The following SVIL variants were observed in gnomAD, a reference collection of about 807,000 sequenced individuals.
SVIL encodes supervillin, also known as archvillin.
SVIL carries 101 observed loss-of-function variants against 240.4 expected under a neutral mutation model. The ratio of observed to expected loss-of-function variants is 0.42; its 90% CI spans 0.36 to 0.50. SVIL has a LOEUF of 0.50. SVIL is among the 20% of genes least tolerant of loss of function. The pLI, the probability that SVIL is intolerant of heterozygous loss-of-function variation, is 0.01. For missense variants in SVIL, 2,512 were observed against 2,818.7 expected (o/e 0.89, Z 2.46); for synonymous variants, 999 against 1,100.0 (o/e 0.91, Z 1.82).
intron 1 of SVIL, among the ~76,000 whole-genome samples, chr10:29,727,954 A>C (rs1487829584): frequency 1.3e-5 from 2 of 152,074 alleles, no homozygotes; most frequent in Admixed American, 6.5e-5. Flanking sequence ...GTAAACCTTT[A>C]TGTTCACAGC....
chr10:29,470,990 A>T (rs1305542405), intron 31 of SVIL, 148 bp downstream of exon 31: 1 of 736,380 alleles, frequency 1.4e-6, no homozygotes, highest in Admixed American at 2.1e-5. Context: ...GCACCCATAG[A>T]GCTGAGTTAT....
intron 1 of SVIL, among the ~76,000 whole-genome samples, chr10:29,612,345 C>T (rs557901010): frequency 6.6e-6 from 1 of 152,300 alleles, no homozygotes; most frequent in African/African-American, 2.4e-5. Flanking sequence ...TCCTTTCTAG[C>T]TTCTTGTGTA....
chr10:29,690,080 G>C lies in SVIL; in HGVS notation c.-399-3429C>G, dbSNP rs569961195. Among the ~76,000 whole-genome samples the C allele has an allele frequency of 1.1e-4, 16 of 152,258 alleles. No homozygotes were observed. The East Asian group carries it at 3.1e-3, about 29-fold the overall frequency. ...TCCAGAGGAAAATGACCAAGACCTT[G>C]AATATCTTTGTAACACTGGTCATCT... On this transcript the variant is annotated intron_variant, in intron 1 of 35. Transcript: ENST00000375400.
intron 1 of SVIL, among the ~76,000 whole-genome samples, chr10:29,692,701 C>T (rs1418953897): frequency 6.6e-6 from 1 of 151,488 alleles, no homozygotes; most frequent in Non-Finnish European, 1.5e-5. Flanking sequence ...CTATGTTGCC[C>T]AGATTGGTTT....
At chr10:29,626,410 T>C (rs148030075) in intron 1 of SVIL, among the ~76,000 whole-genome samples, 149 of 152,282 alleles carry the variant, frequency 9.8e-4, no homozygotes, top group African/African-American at 3.4e-3. Flanking sequence ...CCCCAACACC[T>C]ATACCAGTCC....
intron 16 of SVIL, 67 bp downstream of exon 16, chr10:29,522,340 ATTG>A: frequency 6.9e-7 from 1 of 1,453,476 alleles, no homozygotes. Context: ...CATCACCGAG[ATTG>A]TTTTCTAAAA....
At position 29,533,215 on chromosome 10, in the gene SVIL, G is replaced by A; in HGVS notation, c.1152C>T (p.Thr384=). 1.9e-6 allele frequency: 3 copies of A among 1,614,128 alleles called. No individual in the cohort carries two copies. Among genetic ancestry groups the A allele is most frequent in the Non-Finnish European group, 2.5e-6 (3 of 1,180,020 alleles). Residue 384 remains threonine, a synonymous_variant, in exon 8 of 38, where the codon ACC becomes ACT. Transcript: ENST00000355867. The part of the protein sequence containing the change: ...GHTAKLVTPE[T]PENASECSWV... ...AGCTACACTCAGATGCATTTTCTGG[G>A]GTTTCTGGCGTCACTAGCTTGGCGG...
At chr10:29,633,558 C>A (rs1958193919) in intron 1 of SVIL, among the ~76,000 whole-genome samples, 1 of 152,148 alleles carries the variant, frequency 6.6e-6, no homozygotes, top group Admixed American at 6.5e-5. Flanking sequence ...AGAACCCTCG[C>A]AGTATTCACC....
chr10:29,517,305 A>C (rs1379327293), intron 16 of SVIL, among the ~76,000 whole-genome samples: 2 of 152,148 alleles, frequency 1.3e-5, no homozygotes, highest in Non-Finnish European at 2.9e-5. Flanking sequence ...GTGTGCCTGT[A>C]GTCCCAGCTA....
chr10:29,594,771 A>T (rs1956519721), intron 1 of SVIL, among the ~76,000 whole-genome samples: 1 of 152,146 alleles, frequency 6.6e-6, no homozygotes, highest in African/African-American at 2.4e-5. Flanking sequence ...TGCCTAGGCC[A>T]GTCTTGAACT....
intron 17 of SVIL, among the ~76,000 whole-genome samples, chr10:29,509,626 A>G (rs1949675892): frequency 6.6e-6 from 1 of 152,070 alleles, no homozygotes; most frequent in Non-Finnish European, 1.5e-5. Context: ...AGGCAGGTGG[A>G]TCACCTGAGG....
intron 16 of SVIL, among the ~76,000 whole-genome samples, chr10:29,519,913 T>C (rs1445670329): frequency 6.6e-6 from 1 of 152,236 alleles, no homozygotes; most frequent in East Asian, 1.9e-4. Flanking sequence ...ACAGAAACTT[T>C]ACAGCCATCC....
chr10:29,688,217 G>C (rs1483913871), intron 1 of SVIL, among the ~76,000 whole-genome samples: 3 of 152,170 alleles, frequency 2.0e-5, no homozygotes, highest in African/African-American at 7.2e-5. Flanking sequence ...AGCTAATTCA[G>C]TTTGTGGATG....
chr10:29,647,717 A>T (rs1958706482), intron 3 of SVIL, among the ~76,000 whole-genome samples: 1 of 152,026 alleles, frequency 6.6e-6, no homozygotes, highest in African/African-American at 2.4e-5. Flanking sequence ...AGTCTTCCAC[A>T]GCTTCTATTT....
chr10:29,721,581 A>C (rs1396069358), intron 1 of SVIL, among the ~76,000 whole-genome samples: 1 of 152,110 alleles, frequency 6.6e-6, no homozygotes, highest in African/African-American at 2.4e-5. Flanking sequence ...AACAAGTAGA[A>C]TTTACAGCAA....
Position 29,463,412 on chromosome 10 carries a change from G to A in SVIL, c.6277+80C>T. 4.6e-6 allele frequency: 7 copies of A among 1,508,716 alleles called. No homozygotes were observed. The South Asian group carries it at 7.8e-5, about 17-fold the overall frequency. The allele number at this position is 1,508,716 out of a possible 1,614,324, so 93.5% of individuals were successfully genotyped here. On this transcript the variant is annotated intron_variant, in intron 35 of 37. Coordinates refer to ENST00000355867, the MANE Select transcript of SVIL (RefSeq NM_021738.3). ...ATGCTGGCTGACATGCACAGAAGGG[G>A]AAGGGGGTCTCCTGGCTGCGCATGC...
upstream of SVIL, chr10:29,736,913 TC>T: frequency 6.6e-6 from 1 of 152,080 alleles, no homozygotes; most frequent in Non-Finnish European, 1.5e-5. Flanking sequence ...GGCGCCTCCG[TC>T]CCCGAGAGCC....
At position 29,470,492 on chromosome 10, in the gene SVIL, G is replaced by C; in HGVS notation, c.5636-9C>G. On this transcript the variant is annotated splice_polypyrimidine_tract_variant and intron_variant, in intron 31 of 37. Coordinates refer to ENST00000355867, the MANE Select transcript of SVIL (RefSeq NM_021738.3). The stretch of plus-strand genomic sequence containing the variant: ...GTACAGCCGCCACTCACCTGCAGGG[G>C]GCACCGGCGGCGCGGAGGAGTTAGC... 6.2e-7 allele frequency: 1 copy of C among 1,613,918 alleles called. No individual in the cohort carries two copies. Among genetic ancestry groups the C allele is most frequent in the East Asian group, 2.2e-5 (1 of 44,880 alleles).
chr10:29,491,166 C>T (rs1204874004), intron 21 of SVIL, 147 bp from the exon 22 acceptor site: 7 of 921,676 alleles, frequency 7.6e-6, no homozygotes, highest in South Asian at 7.0e-5. Context: ...GACATGGAGT[C>T]GTAGAATCTT....
Sources: allele counts gnomAD v4.1 joint callset (sites outside exome capture counted in the v4.1 genomes callset), GRCh38; gene constraint gnomAD v4.1.1; transcripts MANE v1.5; gene names NCBI Gene and HGNC (gene_info 2026-07-23, HGNC 2026-07-21).